Variants in TFPI observed in about 807,000 individuals in gnomAD.
TFPI encodes anti-convertin.
A neutral mutation model predicts 34.6 loss-of-function variants in TFPI; 15 were observed. The observed-to-expected ratio is 0.43, with a 90% confidence interval of 0.29 to 0.67. The LOEUF (loss-of-function observed/expected upper bound fraction) is 0.67, where lower values mean the gene tolerates loss of function less well. Among genes scored for constraint, TFPI ranks in the 30% least tolerant of loss-of-function variants. The pLI is 0.15. For synonymous variants in TFPI, 105 were observed against 120.1 expected (o/e 0.87, Z 0.82); for missense variants, 301 against 364.0 (o/e 0.83, Z 1.41).
Position 187,540,589 on chromosome 2 carries a change from TAAAAG to T in TFPI, c.-3+13606_-3+13610del, listed in dbSNP as rs1420315606. ...ACTTCTTTTATGTAATACATTTTCT[TAAAAG>T]AAAATAATAAACCAGCCAGGAGGGG... On this transcript the variant is annotated intron_variant, in intron 1 of 7. Transcript: ENST00000233156. Among the ~76,000 whole-genome samples, 3 of 152,042 alleles carry T rather than the reference TAAAAG, an allele frequency of 2.0e-5. No individual in the cohort carries two copies. The East Asian group carries it at 5.8e-4, about 29-fold the overall frequency.
At chr2:187,482,825 T>G (rs539582308) in intron 6 of TFPI, among the ~76,000 whole-genome samples, 100 of 151,994 alleles carry the variant, frequency 6.6e-4, no homozygotes, top group African/African-American at 2.3e-3. Context: ...GGGTGTGAAA[T>G]AGGCAGGACT....
intron 1 of TFPI, among the ~76,000 whole-genome samples, chr2:187,510,977 G>A (rs371881425): frequency 6.4e-4 from 98 of 152,278 alleles, no homozygotes; most frequent in African/African-American, 2.0e-3. Context: ...ACCAGGAAGC[G>A]AGGTGATTAA....
At chr2:187,523,785 T>G (rs1242764814) in intron 1 of TFPI, among the ~76,000 whole-genome samples, 1 of 152,096 alleles carries the variant, frequency 6.6e-6, no homozygotes, top group African/African-American at 2.4e-5. Context: ...TTTTACTGTA[T>G]CTATAGTTTT....
At chr2:187,528,212 C>T (rs905817513) in intron 1 of TFPI, among the ~76,000 whole-genome samples, 12 of 152,026 alleles carry the variant, frequency 7.9e-5, no homozygotes, top group African/African-American at 7.2e-5. Flanking sequence ...CAGAGAAGGG[C>T]GTAGGTCTAA....
chr2:187,528,264 G>C (rs1415344924), intron 1 of TFPI, among the ~76,000 whole-genome samples: 4 of 152,126 alleles, frequency 2.6e-5, no homozygotes, highest in African/African-American at 9.7e-5. Flanking sequence ...GCTGGGAATA[G>C]GGCAAAGAAG....
intron 1 of TFPI, among the ~76,000 whole-genome samples, chr2:187,523,564 T>C (rs540398608): frequency 6.6e-6 from 1 of 152,110 alleles, no homozygotes; most frequent in Non-Finnish European, 1.5e-5. Flanking sequence ...CCTTCCAAAT[T>C]CCTGACCTTT....
intron 1 of TFPI, among the ~76,000 whole-genome samples, chr2:187,512,088 C>T (rs1686680144): frequency 6.6e-6 from 1 of 152,032 alleles, no homozygotes; most frequent in Admixed American, 6.5e-5. Flanking sequence ...GGGAATACCC[C>T]AAAAGCATTG....
At chr2:187,503,543 A>G (rs962552101) in intron 2 of TFPI, 105 bp downstream of exon 2, 2 of 1,391,442 alleles carry the variant, frequency 1.4e-6, no homozygotes, top group Admixed American at 2.2e-5. Context: ...ATATCACTTC[A>G]ATAACAACTA....
chr2:187,536,730 G>A (rs190729049), intron 1 of TFPI, among the ~76,000 whole-genome samples: 3 of 151,640 alleles, frequency 2.0e-5, no homozygotes, highest in Non-Finnish European at 4.4e-5. Flanking sequence ...GGAAGTTCAG[G>A]CAAGGGCAAT....
chr2:187,523,864 C>T (rs1687544337), intron 1 of TFPI, among the ~76,000 whole-genome samples: 1 of 151,968 alleles, frequency 6.6e-6, no homozygotes. Flanking sequence ...TTTTCATTCC[C>T]CCATAAGGAA....
chr2:187,515,288 A>G (rs1686923157), intron 1 of TFPI: 1 of 152,244 alleles, frequency 6.6e-6, no homozygotes, highest in Non-Finnish European at 1.5e-5. Context: ...TGGCTAAAGA[A>G]TACTAGACTA....
intron 3 of TFPI, among the ~76,000 whole-genome samples, chr2:187,490,895 C>A (rs1559113479): frequency 1.3e-5 from 2 of 151,440 alleles, no homozygotes; most frequent in Admixed American, 1.3e-4. Context: ...CTGCTTGTTT[C>A]ATTTTTTTAA....
intron 2 of TFPI, among the ~76,000 whole-genome samples, chr2:187,500,963 T>A (rs537466056): frequency 1.3e-5 from 2 of 152,322 alleles, no homozygotes; most frequent in East Asian, 3.9e-4. Context: ...CAGCAACCCC[T>A]CGTTCATGGA....
At chr2:187,470,546 G>A (rs1691974248) in intron 6 of TFPI, among the ~76,000 whole-genome samples, 3 of 152,184 alleles carry the variant, frequency 2.0e-5, no homozygotes, top group East Asian at 3.8e-4. Flanking sequence ...TTCCATTGAA[G>A]CTGAAACCAT....
chr2:187,470,521 G>A (rs533879095), intron 6 of TFPI, among the ~76,000 whole-genome samples: 8 of 152,282 alleles, frequency 5.3e-5, no homozygotes, highest in African/African-American at 1.4e-4. Flanking sequence ...GTGAATCCTA[G>A]AACCATTTGG....
chr2:187,474,896 A>G (rs1692274563), intron 6 of TFPI, among the ~76,000 whole-genome samples: 1 of 152,174 alleles, frequency 6.6e-6, no homozygotes, highest in Non-Finnish European at 1.5e-5. Flanking sequence ...GTTAGCCAGC[A>G]TCCAGGCAAA....
intron 2 of TFPI, among the ~76,000 whole-genome samples, chr2:187,501,983 C>T (rs1381022304): frequency 6.6e-6 from 1 of 151,952 alleles, no homozygotes; most frequent in African/African-American, 2.4e-5. Context: ...TAATATACTT[C>T]TATAAAATGA....
intron 6 of TFPI, among the ~76,000 whole-genome samples, chr2:187,473,244 A>G (rs547357684): frequency 2.0e-5 from 3 of 152,274 alleles, no homozygotes; most frequent in Admixed American, 6.5e-5. Context: ...AGGACATGCA[A>G]TCAGTTGGGA....
At chr2:187,536,530 A>G (rs994667706) in intron 1 of TFPI, among the ~76,000 whole-genome samples, 3 of 152,266 alleles carry the variant, frequency 2.0e-5, no homozygotes, top group African/African-American at 4.8e-5. Context: ...GATAAAATTC[A>G]GCATGGCTTT....
Sources: allele counts gnomAD v4.1 joint callset (sites outside exome capture counted in the v4.1 genomes callset), GRCh38; gene constraint gnomAD v4.1.1; transcripts MANE v1.5; gene names NCBI Gene and HGNC (gene_info 2026-07-23, HGNC 2026-07-21).